DENND4C: variants seen among roughly 807,000 people sequenced by gnomAD.
DENND4C encodes the protein DENN domain-containing protein 4C.
DENND4C carries 108 observed loss-of-function variants against 203.0 expected under a neutral mutation model. The observed-to-expected ratio is 0.53, with a 90% CI of 0.46 to 0.62. DENND4C has a LOEUF of 0.62. Ranked by LOEUF, DENND4C falls within the 20% of genes least tolerant of loss-of-function variation. The probability of loss-of-function intolerance (pLI) is 0.00; values close to 1 mark genes in which losing one functional copy is unlikely to be tolerated. For synonymous variants in DENND4C, 871 were observed against 792.4 expected (o/e 1.10, Z -1.67); for missense variants, 2,481 against 2,301.2 (o/e 1.08, Z -1.60).
chr9:19,342,905 T>C (rs1325231883), intron 22 of DENND4C, 126 bp downstream of exon 22: 5 of 729,520 alleles, frequency 6.9e-6, no homozygotes, highest in Non-Finnish European at 9.9e-6. Flanking sequence ...AAGGGACTTT[T>C]GAATTCTCTA....
chr9:19,276,690 G>T lies in DENND4C; in HGVS notation c.305+211G>T, dbSNP rs552969810. The T allele has an allele frequency of 1.1e-4, 39 of 358,352 alleles. 2 individuals carry two copies. Among genetic ancestry groups the T allele is most frequent in the Admixed American group, 1.0e-3 (22 of 21,664 alleles). 22.2% of individuals were successfully genotyped at this position (358,352 alleles called of 1,614,324 possible). On this transcript the variant is annotated intron_variant, in intron 2 of 32. Transcript: ENST00000434457. ...TTCTTTGCATTGCCTTGAATTGTTAGATCATTTGCTTTCAAAAGAATATTG... is the reference window on the plus strand; with the variant it reads ...TTCTTTGCATTGCCTTGAATTGTTATATCATTTGCTTTCAAAAGAATATTG...
rs1035870599 is a variant in DENND4C at position 19,373,877 on chromosome 9, A to G, written c.*1704A>G. Among the ~76,000 whole-genome samples the G allele has an allele frequency of 4.6e-5, 7 of 152,206 alleles. No homozygotes were observed. Among genetic ancestry groups the G allele is most frequent in the African/African-American group, 1.7e-4 (7 of 41,458 alleles). On this transcript the variant is annotated 3_prime_UTR_variant, in exon 33 of 33. Coordinates refer to ENST00000434457, the MANE Select transcript of DENND4C (RefSeq NM_001330640.2). ...ATAGTTATTGTACCAGTCTTTCAAC[A>G]TTTCAGGGTTAATCTGACCTATGCA... is the stretch of plus-strand genomic sequence containing the variant.
At chr9:19,337,779 T>C (rs1188361848) in intron 20 of DENND4C, 8 of 529,990 alleles carry the variant, frequency 1.5e-5, no homozygotes, top group South Asian at 1.3e-4. Flanking sequence ...TTTCATTTTC[T>C]TGCCTTTTCT....
intron 1 of DENND4C, among the ~76,000 whole-genome samples, chr9:19,239,226 G>A (rs574175649): frequency 2.6e-4 from 39 of 152,006 alleles, no homozygotes; most frequent in African/African-American, 2.7e-4. Context: ...TTCTAATACA[G>A]GTGCTTAAAG....
chr9:19,340,724 C>T (rs1024987922), intron 20 of DENND4C, among the ~76,000 whole-genome samples: 6 of 152,174 alleles, frequency 3.9e-5, no homozygotes, highest in African/African-American at 1.4e-4. Context: ...AAGAGACTTC[C>T]AAACATCTTG....
At chr9:19,351,137 AT>A (rs1307309444) in intron 24 of DENND4C, among the ~76,000 whole-genome samples, 2 of 152,018 alleles carry the variant, frequency 1.3e-5, no homozygotes, top group Admixed American at 1.3e-4. Flanking sequence ...TGATTGAGAG[AT>A]TTTTAATACT....
intron 13 of DENND4C, among the ~76,000 whole-genome samples, chr9:19,324,844 T>C (rs1843461026): frequency 6.6e-6 from 1 of 152,194 alleles, no homozygotes; most frequent in South Asian, 2.1e-4. Flanking sequence ...CTTAGCCTTC[T>C]GAGTAGCTGG....
In DENND4C at chr9:19,373,682, T is replaced by G. The variant is rs1357778161; in HGVS notation, c.*1509T>G. On this transcript the variant is annotated 3_prime_UTR_variant, in exon 33 of 33. Transcript: ENST00000434457. Reference sequence around the variant, plus strand: ...CATGCCTTTTATTAAAAATATCCCTTAGGAACAGTAAGTTTGCCTTAACTC... The same window carrying G: ...CATGCCTTTTATTAAAAATATCCCTGAGGAACAGTAAGTTTGCCTTAACTC... 1 of 152,620 alleles carries G rather than the reference T, an allele frequency of 6.6e-6. No homozygotes were observed. Among genetic ancestry groups the G allele is most frequent in the Admixed American group, 6.5e-5 (1 of 15,278 alleles). 9.5% of individuals were successfully genotyped at this position (152,620 alleles called of 1,614,324 possible).
chr9:19,235,872 A>G (rs1031080325), intron 1 of DENND4C, among the ~76,000 whole-genome samples: 1 of 152,086 alleles, frequency 6.6e-6, no homozygotes, highest in African/African-American at 2.4e-5. Context: ...TGCTGGGATT[A>G]CAGGTGTGAG....
chr9:19,305,733 A>T (rs947930056), intron 10 of DENND4C, among the ~76,000 whole-genome samples: 11 of 152,208 alleles, frequency 7.2e-5, no homozygotes, highest in African/African-American at 2.4e-4. Context: ...ATAATAGTTT[A>T]TATTTGGGTA....
Position 19,373,814 on chromosome 9 carries a change from CCTAA to C in DENND4C, c.*1644_*1647del, listed in dbSNP as rs1829229315. ...TTACTTCCATATGGTACAGTAACAA[CCTAA>C]CTCCCTTCTACCTGATGTAACCATT... On this transcript the variant is annotated 3_prime_UTR_variant, in exon 33 of 33. Coordinates refer to ENST00000434457, the MANE Select transcript of DENND4C (RefSeq NM_001330640.2). Among the ~76,000 whole-genome samples the C allele has an allele frequency of 2.0e-5, 3 of 152,176 alleles. No homozygotes were observed. Among genetic ancestry groups the C allele is most frequent in the Non-Finnish European group, 2.9e-5 (2 of 68,014 alleles).
chr9:19,293,644 TC>T (rs1836821208), intron 5 of DENND4C, among the ~76,000 whole-genome samples: 1 of 152,130 alleles, frequency 6.6e-6, no homozygotes, highest in Non-Finnish European at 1.5e-5. Flanking sequence ...AATGGGCAGA[TC>T]AGAGGAAGTA....
intron 2 of DENND4C, among the ~76,000 whole-genome samples, chr9:19,283,610 C>CTTTT (rs553611899): frequency 2.6e-4 from 30 of 116,576 alleles, no homozygotes; most frequent in Non-Finnish European, 3.6e-4. Context: ...TTTTTTCTTT[C>CTTTT]TTTTTTTTTT....
chr9:19,323,229 C>A (rs1426700713), intron 12 of DENND4C, among the ~76,000 whole-genome samples: 1 of 152,110 alleles, frequency 6.6e-6, no homozygotes, highest in African/African-American at 2.4e-5. Context: ...GAGGTCCGTT[C>A]AAGACCAGCC....
chr9:19,263,654 C>T (rs1306003398), intron 1 of DENND4C, among the ~76,000 whole-genome samples: 1 of 136,902 alleles, frequency 7.3e-6, no homozygotes, highest in Non-Finnish European at 1.6e-5. Context: ...TAATTTTCTT[C>T]CCATTTTTTT....
At chr9:19,239,770 G>A (rs1366622736) in intron 1 of DENND4C, among the ~76,000 whole-genome samples, 2 of 152,126 alleles carry the variant, frequency 1.3e-5, no homozygotes, top group African/African-American at 4.8e-5. Context: ...ACAGGCGTGA[G>A]CCACCGTGCC....
Position 19,346,668 on chromosome 9 carries a change from C to G in DENND4C, c.3899C>G (p.Ser1300Cys). Residue 1300 changes from serine to cysteine, a missense_variant, in exon 23 of 33, where the codon TCT becomes TGT. Transcript: ENST00000434457. ...NLKSPLGSKS[S>C]SMELHREENR... The stretch of plus-strand genomic sequence containing the variant: ...AAAAGTCCCCTAGGTAGTAAATCTT[C>G]TAGTATGGAATTACACAGAGAGGAA... 1.2e-6 allele frequency: 2 copies of G among 1,614,134 alleles called. No individual in the cohort carries two copies. The highest frequency in any genetic ancestry group is 1.7e-6 in the Non-Finnish European group (2 of 1,180,034).
At position 19,346,235 on chromosome 9, in the gene DENND4C, C is replaced by G; in HGVS notation, c.3466C>G (p.Leu1156Val). 6.2e-7 allele frequency: 1 copy of G among 1,614,182 alleles called. No individual in the cohort carries two copies. The highest frequency in any genetic ancestry group is 8.5e-7 in the Non-Finnish European group (1 of 1,180,028). ...TAGCTTTGAGAATGTTAGCTGTCAC[C>G]TACCTGATAGTAGGACTTGTATGTC... ...THSFENVSCH[L>V]PDSRTCMSES... Residue 1156 changes from leucine to valine, a missense_variant, in exon 23 of 33, where the codon CTA (leucine) becomes GTA (valine). By Grantham distance (32) the Leu-to-Val change is conservative. Coordinates refer to ENST00000434457, the MANE Select transcript of DENND4C (RefSeq NM_001330640.2).
At chr9:19,275,241 G>A (rs916002272) in intron 1 of DENND4C, among the ~76,000 whole-genome samples, 16 of 148,630 alleles carry the variant, frequency 1.1e-4, no homozygotes, top group African/African-American at 9.9e-5. Context: ...GCCTCCCAAA[G>A]TGCAGGGATT....
Sources: allele counts gnomAD v4.1 joint callset (sites outside exome capture counted in the v4.1 genomes callset), GRCh38; gene constraint gnomAD v4.1.1; transcripts MANE v1.5; gene names NCBI Gene and HGNC (gene_info 2026-07-23, HGNC 2026-07-21).